DNAH7: variants seen among roughly 807,000 people sequenced by gnomAD.
The protein encoded by DNAH7 is dynein axonemal heavy chain 7.
DNAH7 carries 397 observed loss-of-function variants against 444.6 expected under a neutral mutation model. The ratio of observed to expected loss-of-function variants is 0.89; its 90% confidence interval spans 0.82 to 0.97. The LOEUF (loss-of-function observed/expected upper bound fraction) is 0.97. Ranked by LOEUF, DNAH7 falls within the 50% of genes least tolerant of loss-of-function variation. DNAH7 has a pLI of 0.00. For missense variants in DNAH7, 4,902 were observed against 4,800.8 expected (o/e 1.02, Z -0.62); for synonymous variants, 1,636 against 1,624.4 (o/e 1.01, Z -0.17).
chr2:195,823,432 T>C (rs1013482485), intron 49 of DNAH7, among the ~76,000 whole-genome samples: 7 of 152,302 alleles, frequency 4.6e-5, no homozygotes, highest in African/African-American at 1.4e-4. Flanking sequence ...TGTTTATTCA[T>C]CTTGGAGGGA....
intron 12 of DNAH7, chr2:195,994,740 T>C: frequency 2.1e-6 from 1 of 473,832 alleles, no homozygotes; most frequent in South Asian, 1.7e-5. Context: ...TTCAAATATC[T>C]TGATACGTAA....
At position 195,923,766 on chromosome 2, in the gene DNAH7, A is replaced by T; in HGVS notation, c.3654T>A (p.Asp1218Glu). The T allele has an allele frequency of 6.2e-7, 1 of 1,614,176 alleles. No individual in the cohort carries two copies. The highest frequency in any genetic ancestry group is 8.5e-7 in the Non-Finnish European group (1 of 1,180,024). ...QYLKTCNRQIDDIVTLVRGKL... is the reference protein window; with the variant it reads ...QYLKTCNRQIEDIVTLVRGKL... ...TGCCACGCACCAAAGTGACAATATC[A>T]TCAATTTGTCTGTTACATGTTTTCA... Residue 1218 changes from aspartate (D) to glutamate (E), a missense_variant, in exon 23 of 65, where the codon GAT becomes GAA. Transcript: ENST00000312428.
At position 195,937,370 on chromosome 2, in the gene DNAH7, C is replaced by G. The variant is rs188882675; in HGVS notation, c.3079-578G>C. Among the ~76,000 whole-genome samples the G allele has an allele frequency of 2.1e-3, 317 of 152,250 alleles. 1 individual carries two copies. Among genetic ancestry groups the G allele is most frequent in the African/African-American group, 7.1e-3 (297 of 41,568 alleles). ...GAAGGACTGAAGTTCAAGGTGTGCT[C>G]TTCCTGAACTCTCTAGAGACAGACT... On this transcript the variant is annotated intron_variant, in intron 19 of 64. Coordinates refer to ENST00000312428, the MANE Select transcript of DNAH7 (RefSeq NM_018897.3).
chr2:195,891,811 GAA>G lies in DNAH7; in HGVS notation c.4897-9_4897-8del, dbSNP rs11292337. On this transcript the variant is annotated splice_region_variant and splice_polypyrimidine_tract_variant and intron_variant, in intron 30 of 64. Transcript: ENST00000312428. The stretch of plus-strand genomic sequence containing the variant: ...TGTTTTCTTCCATTAGCCCCTTAAT[GAA>G]AAAAAAAAACATTTATTTATGTAAA... The G allele has an allele frequency of 0.11, 130,893 of 1,223,982 alleles. 5,971 individuals are homozygous for G. The highest frequency in any genetic ancestry group is 0.16 in the African/African-American group (10,675 of 67,126). 75.8% of individuals were successfully genotyped at this position (1,223,982 alleles called of 1,614,324 possible).
chr2:195,894,822 C>T (rs2125239203), intron 30 of DNAH7, 154 bp downstream of exon 30: 1 of 719,756 alleles, frequency 1.4e-6, no homozygotes, highest in Non-Finnish European at 2.0e-6. Context: ...TTCCTATTTG[C>T]TTCATTTTAC....
intron 24 of DNAH7, among the ~76,000 whole-genome samples, chr2:195,918,538 G>A (rs1257430800): frequency 6.6e-6 from 1 of 152,200 alleles, no homozygotes; most frequent in Non-Finnish European, 1.5e-5. Flanking sequence ...CCTTCGACAG[G>A]TGAATGGATA....
intron 47 of DNAH7, 124 bp downstream of exon 47, chr2:195,844,878 T>G (rs925915771): frequency 1.3e-6 from 1 of 763,930 alleles, no homozygotes; most frequent in Non-Finnish European, 2.0e-6. Context: ...CATACTTAAT[T>G]TCACTAATTA....
At chr2:195,786,792 TCA>T (rs1695646117) in intron 58 of DNAH7, among the ~76,000 whole-genome samples, 1 of 152,200 alleles carries the variant, frequency 6.6e-6, no homozygotes, top group Non-Finnish European at 1.5e-5. Flanking sequence ...AAATGATATA[TCA>T]TGGGTTTCTA....
chr2:195,769,690 T>C (rs1373474966), intron 61 of DNAH7, among the ~76,000 whole-genome samples: 1 of 152,190 alleles, frequency 6.6e-6, no homozygotes, highest in African/African-American at 2.4e-5. Flanking sequence ...TAAATGTTCC[T>C]TTCTGAGAAA....
chr2:196,014,870 C>G (rs1283833694), intron 9 of DNAH7, among the ~76,000 whole-genome samples: 1 of 152,120 alleles, frequency 6.6e-6, no homozygotes, highest in African/African-American at 2.4e-5. Context: ...AATATCTTCT[C>G]CTGGAGACCT....
At chr2:195,906,410 A>AACAC (rs150739355) in intron 27 of DNAH7, among the ~76,000 whole-genome samples, 5,533 of 139,802 alleles carry the variant, frequency 0.04, 322 homozygotes, top group East Asian at 0.25. Context: ...TACACACAGA[A>AACAC]ACACACACAC....
chr2:195,913,783 C>T (rs1247934559), intron 24 of DNAH7, among the ~76,000 whole-genome samples: 1 of 152,180 alleles, frequency 6.6e-6, no homozygotes, highest in Non-Finnish European at 1.5e-5. Flanking sequence ...GGCGCAATCT[C>T]GGCTCACTGC....
At chr2:195,856,510 A>T (rs1699718173) in intron 44 of DNAH7, among the ~76,000 whole-genome samples, 1 of 152,188 alleles carries the variant, frequency 6.6e-6, no homozygotes, top group African/African-American at 2.4e-5. Context: ...ACAAACATTA[A>T]ATTAATCATT....
intron 1 of DNAH7, among the ~76,000 whole-genome samples, chr2:196,065,155 CCA>C (rs1265533447): frequency 8.0e-6 from 1 of 125,400 alleles, no homozygotes; most frequent in Admixed American, 7.8e-5. Flanking sequence ...CTTTTTTCTA[CCA>C]TGTGAAATTT....
At chr2:195,943,019 TA>T (rs1689564419) in intron 19 of DNAH7, among the ~76,000 whole-genome samples, 1 of 152,152 alleles carries the variant, frequency 6.6e-6, no homozygotes, top group Non-Finnish European at 1.5e-5. Context: ...GTTCTCATGA[TA>T]GTGAATAAGT....
chr2:195,960,207 A>G, intron 18 of DNAH7, 53 bp downstream of exon 18: 2 of 1,414,182 alleles, frequency 1.4e-6, no homozygotes, highest in South Asian at 2.8e-5. Context: ...TACATTAAAC[A>G]CAAGTGATTT....
intron 19 of DNAH7, among the ~76,000 whole-genome samples, chr2:195,950,900 A>AT (rs1382613269): frequency 2.9e-5 from 4 of 138,704 alleles, no homozygotes; most frequent in Admixed American, 7.4e-5. Context: ...GGATTCAATG[A>AT]TTTTTTTTGA....
chr2:195,860,014 G>T (rs1007964562), intron 42 of DNAH7, among the ~76,000 whole-genome samples: 3 of 152,050 alleles, frequency 2.0e-5, no homozygotes, highest in African/African-American at 7.2e-5. Flanking sequence ...AGGAATTCTA[G>T]TTGAGGTAAA....
At chr2:196,068,359 C>T (rs1698543964) in intron 1 of DNAH7, 1 of 380,010 alleles carries the variant, frequency 2.6e-6, no homozygotes, top group Non-Finnish European at 4.7e-6. Flanking sequence ...CACCTTAGAA[C>T]CCAAACCCGC....
Sources: gnomAD v4.1 joint callset for allele counts (sites outside exome capture counted in the v4.1 genomes callset) on GRCh38, gnomAD v4.1.1 for gene constraint, MANE v1.5 for transcripts, NCBI Gene and HGNC (gene_info 2026-07-23, HGNC 2026-07-21) for gene names.